The following METTL24 variants were observed in gnomAD, a reference collection of about 807,000 sequenced individuals.
The protein encoded by METTL24 is probable methyltransferase-like protein 24.
Under a neutral mutation model 32.7 loss-of-function variants are expected in METTL24, and 29 were observed. That is an observed-to-expected ratio of 0.89 (90% CI 0.66 to 1.21). The LOEUF (loss-of-function observed/expected upper bound fraction) is 1.21. Among genes scored for constraint, METTL24 ranks in the 50% most tolerant of loss-of-function variants. The pLI, the probability that METTL24 is intolerant of heterozygous loss-of-function variation, is 0.00. For synonymous variants in METTL24, 163 were observed against 179.5 expected (o/e 0.91, Z 0.73); for missense variants, 439 against 468.1 (o/e 0.94, Z 0.57).
intron 4 of METTL24, among the ~76,000 whole-genome samples, chr6:110,288,951 T>C (rs1048685836): frequency 5.4e-4 from 82 of 152,232 alleles, no homozygotes; most frequent in South Asian, 6.2e-4. Context: ...AGCTATAGCA[T>C]AAAACTAGCT....
chr6:110,265,575 T>C (rs1404665841), intron 4 of METTL24, among the ~76,000 whole-genome samples: 1 of 149,794 alleles, frequency 6.7e-6, no homozygotes, highest in Non-Finnish European at 1.5e-5. Context: ...AAAAGTGTCA[T>C]GTGGGATTTC....
At chr6:110,293,099 C>G (rs962940521) in intron 4 of METTL24, among the ~76,000 whole-genome samples, 1 of 151,644 alleles carries the variant, frequency 6.6e-6, no homozygotes, top group African/African-American at 2.4e-5. Flanking sequence ...AGTATGAACT[C>G]TAGAATCAGC....
chr6:110,343,713 G>C (rs776686604), intron 1 of METTL24, among the ~76,000 whole-genome samples: 1 of 152,186 alleles, frequency 6.6e-6, no homozygotes, highest in African/African-American at 2.4e-5. Context: ...AGAAAATACA[G>C]CCTGTAAGAA....
In METTL24 at chr6:110,326,487, T is replaced by C. The variant is rs73763030; in HGVS notation, c.319-3615A>G. Among the ~76,000 whole-genome samples the C allele has an allele frequency of 9.3e-3, 1,418 of 152,294 alleles. 15 individuals are homozygous for C. Among genetic ancestry groups the C allele is most frequent in the African/African-American group, 0.033 (1,357 of 41,558 alleles). The stretch of plus-strand genomic sequence containing the variant: ...GTTAAGAGTGTTGGCCGTATGCTTA[T>C]GGTGAGTGAGGAAAGGTATTACACC... On this transcript the variant is annotated intron_variant, in intron 1 of 4. Transcript: ENST00000338882.
chr6:110,297,634 T>A (rs1326603305), intron 4 of METTL24, among the ~76,000 whole-genome samples: 1 of 152,186 alleles, frequency 6.6e-6, no homozygotes, highest in East Asian at 1.9e-4. Context: ...TCTACAAAGG[T>A]AACGAGTGGC....
intron 1 of METTL24, among the ~76,000 whole-genome samples, chr6:110,328,681 A>G (rs1467460911): frequency 6.6e-6 from 1 of 152,240 alleles, no homozygotes; most frequent in African/African-American, 2.4e-5. Context: ...TAATGCCAAA[A>G]AAAGGGAATA....
chr6:110,278,929 G>A (rs1250925235), intron 4 of METTL24, among the ~76,000 whole-genome samples: 2 of 152,148 alleles, frequency 1.3e-5, no homozygotes, highest in African/African-American at 2.4e-5. Flanking sequence ...GGCTGAGGTG[G>A]GAGGATCGCT....
At chr6:110,294,166 G>A (rs1222222186) in intron 4 of METTL24, among the ~76,000 whole-genome samples, 1 of 151,974 alleles carries the variant, frequency 6.6e-6, no homozygotes, top group African/African-American at 2.4e-5. Context: ...TATGGTGAGA[G>A]AGAGTGAGAG....
intron 3 of METTL24, among the ~76,000 whole-genome samples, chr6:110,314,782 C>T (rs1771787393): frequency 6.6e-6 from 1 of 151,868 alleles, no homozygotes; most frequent in African/African-American, 2.4e-5. Context: ...GGCAACATGG[C>T]AAAACCCTGT....
At chr6:110,357,174 T>C (rs79896085) in intron 1 of METTL24, among the ~76,000 whole-genome samples, 5,462 of 152,242 alleles carry the variant, frequency 0.036, 321 homozygotes, top group African/African-American at 0.12. Context: ...TCTTTTCATT[T>C]CCATGTACGA....
intron 1 of METTL24, 45 bp downstream of exon 1, chr6:110,357,910 G>A: frequency 1.8e-6 from 2 of 1,126,560 alleles, no homozygotes; most frequent in Non-Finnish European, 2.2e-6. Flanking sequence ...CGGTCGGGAG[G>A]GGGCTTCTGG....
At chr6:110,294,010 A>G (rs1486142447) in intron 4 of METTL24, among the ~76,000 whole-genome samples, 1 of 152,048 alleles carries the variant, frequency 6.6e-6, no homozygotes, top group Non-Finnish European at 1.5e-5. Flanking sequence ...ATACACTAAA[A>G]TAAGAAGCAA....
chr6:110,254,690 C>T lies in METTL24; in HGVS notation c.787-8430G>A, dbSNP rs1476789223. Among the ~76,000 whole-genome samples, 5 of 151,990 alleles carry T rather than the reference C, an allele frequency of 3.3e-5. No individual in the cohort carries two copies. In the East Asian group the frequency reaches 9.6e-4, roughly 29 times the overall value. ...TAAAAATTTGAATTATCATCAATTC[C>T]CTACCACCCCAACAAATCAACATTC... On this transcript the variant is annotated intron_variant, in intron 4 of 4. Transcript: ENST00000338882.
At chr6:110,319,679 C>T (rs2114751754) in intron 2 of METTL24, among the ~76,000 whole-genome samples, 1 of 151,676 alleles carries the variant, frequency 6.6e-6, no homozygotes, top group South Asian at 2.1e-4. Context: ...GTACCACGGA[C>T]TACAGAACTC....
In METTL24 at chr6:110,281,648, CAAAA is replaced by C. The variant is rs551905021; in HGVS notation, c.786+17270_786+17273del. 4.4e-3 allele frequency among the ~76,000 whole-genome samples: 516 copies of C among 115,962 alleles called. 1 individual carries two copies. Among genetic ancestry groups the C allele is most frequent in the South Asian group, 7.8e-3 (26 of 3,346 alleles). 76.1% of individuals were successfully genotyped at this position (115,962 alleles called of 152,430 possible). A position where few individuals can be genotyped will look rare whatever the true frequency, so the allele number is the denominator to read the frequency against. On this transcript the variant is annotated intron_variant, in intron 4 of 4. Coordinates refer to ENST00000338882, the MANE Select transcript of METTL24 (RefSeq NM_001123364.3). Reference sequence around the variant, plus strand: ...TGAGCGATGGAGTGAGACTCTGTCTCAAAAAAAAAAAAAAGGAGCGGGGGGAGTA... The same window carrying C: ...TGAGCGATGGAGTGAGACTCTGTCTCAAAAAAAAAAGGAGCGGGGGGAGTA...
chr6:110,323,863 A>C (rs1289362703), intron 1 of METTL24, among the ~76,000 whole-genome samples: 1 of 151,936 alleles, frequency 6.6e-6, no homozygotes, highest in Admixed American at 6.6e-5. Context: ...GGGCCCCTAA[A>C]CCCCTTTTTA....
Position 110,244,458 on chromosome 6 carries a change from A to G in METTL24, c.*1488T>C, listed in dbSNP as rs994512783. ...GTAAAATCTAAAAAGTGTAATACCC[A>G]AAGTATTAGTCCATTCTCACACTGC... On this transcript the variant is annotated 3_prime_UTR_variant, in exon 5 of 5. Transcript: ENST00000338882. 6.6e-6 allele frequency among the ~76,000 whole-genome samples: 1 copy of G among 152,170 alleles called. No homozygotes were observed. Among genetic ancestry groups the G allele is most frequent in the Non-Finnish European group, 1.5e-5 (1 of 68,028 alleles).
intron 1 of METTL24, among the ~76,000 whole-genome samples, chr6:110,349,150 C>T (rs1311235092): frequency 1.3e-5 from 2 of 152,194 alleles, no homozygotes; most frequent in Non-Finnish European, 2.9e-5. Context: ...GGTTACTATA[C>T]TGTGGTGACC....
chr6:110,257,592 C>T (rs1421692484), intron 4 of METTL24, among the ~76,000 whole-genome samples: 2 of 152,128 alleles, frequency 1.3e-5, no homozygotes, highest in African/African-American at 4.8e-5. Flanking sequence ...CGTAAAAACA[C>T]AGTTTCTCAC....
Sources: gnomAD v4.1 joint callset for allele counts (sites outside exome capture counted in the v4.1 genomes callset) on GRCh38, gnomAD v4.1.1 for gene constraint, MANE v1.5 for transcripts, NCBI Gene and HGNC (gene_info 2026-07-23, HGNC 2026-07-21) for gene names.